Variants in RDH11 observed in about 807,000 individuals in gnomAD.
RDH11 encodes the protein retinol dehydrogenase 11, also known as HCV core-binding protein HCBP12.
In RDH11, 19 loss-of-function variants were observed where a neutral mutation model predicts 33.4. That is an observed-to-expected ratio of 0.57 (90% CI 0.40 to 0.83). The LOEUF (loss-of-function observed/expected upper bound fraction) is 0.83, where lower values mean the gene tolerates loss of function less well. RDH11 is among the 40% of genes least tolerant of loss of function. RDH11 has a pLI of 0.00. For synonymous variants in RDH11, 154 were observed against 155.3 expected (o/e 0.99, Z 0.06); for missense variants, 353 against 389.0 (o/e 0.91, Z 0.78).
In RDH11 at chr14:67,695,674, G is replaced by A. The variant is rs767295110; in HGVS notation, c.30C>T (p.Leu10=). Residue 10 remains leucine, a synonymous_variant, in exon 1 of 7, where the codon CTC becomes CTT. Coordinates refer to ENST00000381346, the MANE Select transcript of RDH11 (RefSeq NM_016026.4). ...TATACAGAAGGAAGGGCAGAAGGAG[G>A]AGCAACAGCGGGAACATGAGCTCAA... MVELMFPLL[L]LLLPFLLYMA... The A allele has an allele frequency of 6.2e-7, 1 of 1,614,196 alleles. No homozygotes were observed. The highest frequency in any genetic ancestry group is 8.5e-7 in the Non-Finnish European group (1 of 1,180,032).
intron 3 of RDH11, 78 bp from the exon 4 acceptor site, chr14:67,691,322 C>T: frequency 1.1e-6 from 1 of 914,682 alleles, no homozygotes. Flanking sequence ...CACGCTCAGG[C>T]TTTGAAAATG....
intron 1 of RDH11, 53 bp from the exon 2 acceptor site, chr14:67,693,105 G>A: frequency 2.4e-6 from 3 of 1,269,790 alleles, no homozygotes; most frequent in Non-Finnish European, 3.4e-6. Context: ...GTCTCAGCCA[G>A]TAGGTTCCTG....
rs1035937925 is a variant in RDH11 at position 67,677,267 on chromosome 14, C to G, written c.*1054G>C. 2.6e-5 allele frequency: 4 copies of G among 151,506 alleles called. No homozygotes were observed. The highest frequency in any genetic ancestry group is 9.7e-5 in the African/African-American group (4 of 41,214). 9.4% of individuals were successfully genotyped at this position (151,506 alleles called of 1,614,324 possible). A position where few individuals can be genotyped will look rare whatever the true frequency, so the allele number is the denominator to read the frequency against. On this transcript the variant is annotated 3_prime_UTR_variant, in exon 7 of 7. Transcript: ENST00000381346. ...TGTCAAGACAATGTAAGGAAATGCC[C>G]CAAAATATTATTAAATTGACCATAA...
At chr14:67,688,555 G>A (rs2140072984) in intron 5 of RDH11, among the ~76,000 whole-genome samples, 1 of 151,732 alleles carries the variant, frequency 6.6e-6, no homozygotes, top group East Asian at 1.9e-4. Context: ...AAATGAAGGT[G>A]GTTTTTCACC....
chr14:67,691,855 C>T lies in RDH11; in HGVS notation c.349+583G>A, dbSNP rs112232537. ...TACGTTAATTTTCCATAGAGTATTA[C>T]ACACACATACAAAAATCAAACCCAT... On this transcript the variant is annotated intron_variant, in intron 3 of 6. Transcript: ENST00000381346. 3.3e-3 allele frequency: 515 copies of T among 154,640 alleles called. 3 individuals are homozygous for T. The highest frequency in any genetic ancestry group is 0.012 in the African/African-American group (497 of 41,562). 9.6% of individuals were successfully genotyped at this position (154,640 alleles called of 1,614,324 possible).
At chr14:67,693,201 T>C in intron 1 of RDH11, 149 bp from the exon 2 acceptor site, 1 of 531,794 alleles carries the variant, frequency 1.9e-6, no homozygotes, top group Non-Finnish European at 3.3e-6. Context: ...TTAAGGAAAG[T>C]TGGAGGAAAG....
chr14:67,694,465 CAT>C (rs1259297890), intron 1 of RDH11, among the ~76,000 whole-genome samples: 7 of 103,092 alleles, frequency 6.8e-5, no homozygotes, highest in South Asian at 2.8e-4. Context: ...CACACACACA[CAT>C]ATATATATAT....
At chr14:67,693,651 C>CTT (rs368006456) in intron 1 of RDH11, among the ~76,000 whole-genome samples, 15 of 142,318 alleles carry the variant, frequency 1.1e-4, no homozygotes, top group South Asian at 6.7e-4. Flanking sequence ...TTCTCTTTCT[C>CTT]TTTTTTTTTT....
At chr14:67,680,385 G>A (rs2037599774) in intron 6 of RDH11, among the ~76,000 whole-genome samples, 1 of 152,280 alleles carries the variant, frequency 6.6e-6, no homozygotes, top group East Asian at 1.9e-4. Context: ...TCTTCATAAG[G>A]TTACAGTTAA....
rs148409569 is a variant in RDH11, at chr14:67,692,664, T to C, written c.194-71A>G. ...GCTGGCATTATAAATCTAATGTTAT[T>C]TCCAACATTTTTTTAAAAAACACAC... On this transcript the variant is annotated intron_variant, in intron 2 of 6. Transcript: ENST00000381346. 3,657 of 1,491,354 alleles carry C rather than the reference T, an allele frequency of 2.5e-3. 9 individuals are homozygous for C. The highest frequency in any genetic ancestry group is 3.0e-3 in the Non-Finnish European group (3,344 of 1,115,660). 92.4% of individuals were successfully genotyped at this position (1,491,354 alleles called of 1,614,324 possible). A position where few individuals can be genotyped will look rare whatever the true frequency, so the allele number is the denominator to read the frequency against.
In RDH11 at chr14:67,693,018, C is replaced by G; in HGVS notation, c.109G>C (p.Val37Leu). ...ACAACTACTTTCCCAGGAAGCTGAA[C>G]AGTTGATGTACACACCCCACTGGAC... ...MLSSGVCTST[V>L]QLPGKVVVVT... The change falls in exon 2 of 7, where the codon GTT becomes CTT. Residue 37 changes from valine (V) to leucine (L), a missense_variant. By Grantham distance (32) the Val-to-Leu change is conservative (BLOSUM62 1). Coordinates refer to ENST00000381346, the MANE Select transcript of RDH11 (RefSeq NM_016026.4). 6.2e-7 allele frequency: 1 copy of G among 1,614,098 alleles called. No homozygotes were observed. Among genetic ancestry groups the G allele is most frequent in the Non-Finnish European group, 8.5e-7 (1 of 1,179,960 alleles).
chr14:67,689,461 G>A (rs2037721687), intron 5 of RDH11, among the ~76,000 whole-genome samples: 1 of 152,172 alleles, frequency 6.6e-6, no homozygotes, highest in African/African-American at 2.4e-5. Context: ...CTTTGCAAGG[G>A]AGACCCTGCC....
At chr14:67,690,719 C>T (rs2037738728) in intron 4 of RDH11, 3 of 413,344 alleles carry the variant, frequency 7.3e-6, no homozygotes, top group East Asian at 1.0e-4. Context: ...TGCGGTGGCT[C>T]ACGCCGGTAA....
At chr14:67,688,831 C>T (rs1027311312) in intron 5 of RDH11, among the ~76,000 whole-genome samples, 2 of 152,112 alleles carry the variant, frequency 1.3e-5, no homozygotes, top group African/African-American at 4.8e-5. Flanking sequence ...GTCTTTCTCC[C>T]CCGTTAGATG....
At chr14:67,687,188 A>G (rs7142897) in intron 5 of RDH11, among the ~76,000 whole-genome samples, 19,456 of 151,890 alleles carry the variant, frequency 0.13, 1,297 homozygotes, top group East Asian at 0.21. Flanking sequence ...CTCATTTCTC[A>G]CCTCTGCTGA....
rs777129728 is a variant in RDH11 at position 67,685,142 on chromosome 14, A to C, written c.727T>G (p.Ser243Ala). The C allele has an allele frequency of 1.2e-6, 2 of 1,614,200 alleles. No homozygotes were observed. The highest frequency in any genetic ancestry group is 1.7e-6 in the Non-Finnish European group (2 of 1,180,036). ...GTVQSELVRH[S>A]SFMRWMWWLF... ...CACCACATCCATCTCATGAAAGATG[A>C]GTGCCGAACCAGTTCAGATTGGACT... Residue 243 changes from serine (S) to alanine (A), a missense_variant, in exon 6 of 7, where the codon TCA becomes GCA. By Grantham distance (99) the Ser-to-Ala change is moderately conservative. Coordinates refer to ENST00000381346, the MANE Select transcript of RDH11 (RefSeq NM_016026.4).
At position 67,679,569 on chromosome 14, in the gene RDH11, A is replaced by G. The variant is rs113645578; in HGVS notation, c.855-1146T>C. Among the ~76,000 whole-genome samples the G allele has an allele frequency of 8.0e-4, 122 of 152,182 alleles. 2 individuals carry two copies. Among genetic ancestry groups the G allele is most frequent in the African/African-American group, 2.6e-3 (110 of 41,510 alleles). ...TAGGCGCCTGCCACCATGACTGGCT[A>G]ATTTTTGTATTTTTAGTAGAGACAG... On this transcript the variant is annotated intron_variant, in intron 6 of 6. Coordinates refer to ENST00000381346, the MANE Select transcript of RDH11 (RefSeq NM_016026.4).
In RDH11 at chr14:67,685,022, G is replaced by C; in HGVS notation, c.847C>G (p.His283Asp). Residue 283 changes from histidine (H) to aspartate (D), a missense_variant, in exon 6 of 7, where the codon CAT (histidine) becomes GAT (aspartate). His to Asp is a moderately conservative substitution (Grantham distance 81, BLOSUM62 -1). Transcript: ENST00000381346. ...AAGAGATAACATTCATACCTGAAAT[G>C]ATTCCCACTTAGAATCTCAAGACCT... ...TEGLEILSGNHFSDCHVAWVS... is the reference protein window; with the variant it reads ...TEGLEILSGNDFSDCHVAWVS... The C allele has an allele frequency of 1.2e-6, 2 of 1,607,434 alleles. No homozygotes were observed. The highest frequency in any genetic ancestry group is 1.7e-6 in the Non-Finnish European group (2 of 1,177,632).
Position 67,688,892 on chromosome 14 carries a change from CCT to C in RDH11, c.664+1318_664+1319del, listed in dbSNP as rs140757461. Among the ~76,000 whole-genome samples the C allele has an allele frequency of 6.9e-3, 1,045 of 152,294 alleles. 19 individuals are homozygous for C. The East Asian group carries it at 0.08, about 12-fold the overall frequency. ...ACCTATCTTGTTCACCAATTCATCC[CCT>C]GTCCCCTAACCCAGTGCACGGAACA... is the stretch of plus-strand genomic sequence containing the variant. On this transcript the variant is annotated intron_variant, in intron 5 of 6. Coordinates refer to ENST00000381346, the MANE Select transcript of RDH11 (RefSeq NM_016026.4).
Sources: gnomAD v4.1 joint callset for allele counts (sites outside exome capture counted in the v4.1 genomes callset) on GRCh38, gnomAD v4.1.1 for gene constraint, MANE v1.5 for transcripts, NCBI Gene and HGNC (gene_info 2026-07-23, HGNC 2026-07-21) for gene names.